The following FGFR2 variants were observed in gnomAD, a reference collection of about 807,000 sequenced individuals.
The protein encoded by FGFR2 is BEK fibroblast growth factor receptor.
Under a neutral mutation model 95.9 loss-of-function variants are expected in FGFR2, and 19 were observed. The observed-to-expected ratio is 0.20, with a 90% CI of 0.14 to 0.29. The LOEUF is 0.29. Ranked by LOEUF, FGFR2 falls within the 10% of genes least tolerant of loss-of-function variation. The pLI is 1.00. For synonymous variants in FGFR2, 392 were observed against 393.3 expected (o/e 1.00, Z 0.04); for missense variants, 707 against 1,056.9 (o/e 0.67, Z 4.59).
chr10:121,560,605 A>C (rs1342562596), intron 4 of FGFR2, among the ~76,000 whole-genome samples: 1 of 104,640 alleles, frequency 9.6e-6, no homozygotes, highest in African/African-American at 4.0e-5. Context: ...ACAGAGCAAG[A>C]CTCCGTCCCC....
At chr10:121,529,592 T>A (rs551592896) in intron 6 of FGFR2, among the ~76,000 whole-genome samples, 1 of 152,350 alleles carries the variant, frequency 6.6e-6, no homozygotes, top group South Asian at 2.1e-4. Context: ...GTGGGGAATA[T>A]GTCTGGGGCA....
Position 121,503,879 on chromosome 10 carries a change from G to A in FGFR2, c.1350C>T (p.Arg450=), listed in dbSNP as rs1258951407. The change falls in exon 10 of 18, where the codon CGC becomes CGT. Residue 450 remains arginine (R), a synonymous_variant. Coordinates refer to ENST00000358487, the MANE Select transcript of FGFR2 (RefSeq NM_000141.5). ...TGGGGGTGTCTGCCGTTGAAGAGAG[G>A]CGTGTTGTTATCCTCACCAGCGGGG... ...SNTPLVRITT[R]LSSTADTPML... 1 of 1,614,150 alleles carries A rather than the reference G, an allele frequency of 6.2e-7. No homozygotes were observed. Among genetic ancestry groups the A allele is most frequent in the Admixed American group, 1.7e-5 (1 of 60,018 alleles).
chr10:121,525,624 G>GGAGAGA (rs3035990), intron 6 of FGFR2, among the ~76,000 whole-genome samples: 5 of 149,256 alleles, frequency 3.3e-5, no homozygotes, highest in African/African-American at 1.2e-4. Context: ...CATTATTGAG[G>GGAGAGA]GAGAGAGAGA....
chr10:121,479,031 G>C lies in FGFR2; in HGVS notation c.*826C>G. The C allele has an allele frequency of 4.3e-6, 1 of 233,148 alleles. No individual in the cohort carries two copies. The highest frequency in any genetic ancestry group is 8.5e-6 in the Non-Finnish European group (1 of 117,758). 14.4% of individuals were successfully genotyped at this position (233,148 alleles called of 1,614,324 possible). On this transcript the variant is annotated 3_prime_UTR_variant, in exon 18 of 18. Transcript: ENST00000358487. ...GCATTTAGGAGGTCTAAGAACAATC[G>C]TCTGACAGCAGCATTTAAACACAAA...
intron 2 of FGFR2, among the ~76,000 whole-genome samples, chr10:121,585,079 T>C (rs1861634646): frequency 6.6e-6 from 1 of 152,244 alleles, no homozygotes; most frequent in Non-Finnish European, 1.5e-5. Flanking sequence ...GAAAACTCTT[T>C]TGCCAAAATA....
chr10:121,482,283 C>T (rs1043997264), intron 17 of FGFR2: 21 of 928,278 alleles, frequency 2.3e-5, no homozygotes, highest in Non-Finnish European at 3.4e-5. Flanking sequence ...GTTTCTTCCC[C>T]CCCTTGAACC....
rs749474548 is a variant in FGFR2 at position 121,479,871 on chromosome 10, T to C, written c.2452A>G (p.Ser818Gly). The C allele has an allele frequency of 5.0e-6, 8 of 1,614,172 alleles. 1 individual carries two copies. The South Asian group carries it at 8.8e-5, about 18-fold the overall frequency. ...CLPQYPHING[S>G]VKT Reference sequence around the variant, plus strand: ...GACACAGTCATTCATGTTTTAACACTGCCGTTTATGTGTGGATACTGAGGA... The same window carrying C: ...GACACAGTCATTCATGTTTTAACACCGCCGTTTATGTGTGGATACTGAGGA... Residue 818 changes from serine (S) to glycine (G), a missense_variant, in exon 18 of 18, where the codon AGT (serine) becomes GGT (glycine). Transcript: ENST00000358487.
intron 9 of FGFR2, among the ~76,000 whole-genome samples, chr10:121,513,119 G>A (rs867031180): frequency 1.3e-5 from 2 of 152,178 alleles, no homozygotes; most frequent in East Asian, 1.9e-4. Context: ...GGTGATCCAC[G>A]CGCCTCAGCC....
intron 1 of FGFR2, among the ~76,000 whole-genome samples, chr10:121,595,031 G>C (rs991365921): frequency 6.6e-6 from 1 of 152,110 alleles, no homozygotes; most frequent in Non-Finnish European, 1.5e-5. Context: ...GTGACTAAGG[G>C]TACAGTAAAA....
At chr10:121,571,821 T>A (rs1207636071) in intron 2 of FGFR2, among the ~76,000 whole-genome samples, 1 of 151,738 alleles carries the variant, frequency 6.6e-6, no homozygotes, top group African/African-American at 2.4e-5. Flanking sequence ...CGCATGCCTA[T>A]AGTCCCAGCT....
intron 5 of FGFR2, among the ~76,000 whole-genome samples, chr10:121,541,823 G>A (rs1035938230): frequency 1.6e-4 from 25 of 152,156 alleles, no homozygotes; most frequent in Non-Finnish European, 2.2e-4. Context: ...AACATAAATT[G>A]AGAAAAACCT....
At chr10:121,482,282 C>T (rs1012891115) in intron 17 of FGFR2, 2 of 922,100 alleles carry the variant, frequency 2.2e-6, no homozygotes, top group Non-Finnish European at 3.4e-6. Context: ...GGTTTCTTCC[C>T]CCCCTTGAAC....
intron 2 of FGFR2, among the ~76,000 whole-genome samples, chr10:121,586,073 C>G (rs1861784117): frequency 6.6e-6 from 1 of 152,100 alleles, no homozygotes; most frequent in African/African-American, 2.4e-5. Flanking sequence ...ACACAGTTGG[C>G]CTTTTCAATG....
At chr10:121,559,287 C>G (rs1856623470) in intron 4 of FGFR2, among the ~76,000 whole-genome samples, 1 of 152,152 alleles carries the variant, frequency 6.6e-6, no homozygotes, top group African/African-American at 2.4e-5. Context: ...GAGTGTTTTC[C>G]AGGTGGCTGA....
At chr10:121,506,905 T>A (rs778113999) in intron 9 of FGFR2, among the ~76,000 whole-genome samples, 1 of 152,198 alleles carries the variant, frequency 6.6e-6, no homozygotes, top group Non-Finnish European at 1.5e-5. Flanking sequence ...TTAACAAAAA[T>A]ATTTTTTAGA....
At chr10:121,585,741 T>C (rs565206843) in intron 2 of FGFR2, among the ~76,000 whole-genome samples, 3 of 152,378 alleles carry the variant, frequency 2.0e-5, no homozygotes, top group African/African-American at 7.2e-5. Flanking sequence ...TTAGATTAAA[T>C]GCACAGAAGA....
intron 5 of FGFR2, among the ~76,000 whole-genome samples, chr10:121,546,633 G>T (rs969392767): frequency 2.0e-5 from 3 of 152,012 alleles, no homozygotes; most frequent in African/African-American, 7.3e-5. Context: ...AATTCTCTTT[G>T]ACTTTGTTTT....
intron 2 of FGFR2, among the ~76,000 whole-genome samples, chr10:121,573,104 C>T (rs1486930717): frequency 6.6e-6 from 1 of 152,190 alleles, no homozygotes; most frequent in Non-Finnish European, 1.5e-5. Flanking sequence ...GCCAAACCAG[C>T]GATAGCAGCA....
chr10:121,524,139 CACACACA>C (rs1462809964), intron 6 of FGFR2, among the ~76,000 whole-genome samples: 3 of 143,600 alleles, frequency 2.1e-5, no homozygotes, highest in African/African-American at 7.5e-5. Flanking sequence ...CACACACACA[CACACACA>C]CCCCAAGTTT....
Sources: allele counts gnomAD v4.1 joint callset (sites outside exome capture counted in the v4.1 genomes callset), GRCh38; gene constraint gnomAD v4.1.1; transcripts MANE v1.5; gene names NCBI Gene and HGNC (gene_info 2026-07-23, HGNC 2026-07-21).